Variants in RUNDC3B observed in about 807,000 individuals in gnomAD.
RUNDC3B encodes RUN domain containing 3B.
RUNDC3B carries 33 observed loss-of-function variants against 58.4 expected under a neutral mutation model. The ratio of observed to expected loss-of-function variants is 0.56; its 90% CI spans 0.43 to 0.75. The LOEUF is 0.75. Among genes scored for constraint, RUNDC3B ranks in the 30% least tolerant of loss-of-function variants. RUNDC3B has a pLI of 0.00. For missense variants in RUNDC3B, 501 were observed against 535.7 expected, an observed-to-expected ratio of 0.94 and a Z score of 0.64; for synonymous variants, 193 against 195.2, an observed-to-expected ratio of 0.99 and a Z score of 0.10.
chr7:87,714,565 C>G (rs1416312373), intron 4 of RUNDC3B, among the ~76,000 whole-genome samples: 1 of 152,086 alleles, frequency 6.6e-6, no homozygotes, highest in South Asian at 2.1e-4. Context: ...TTTCCATAAC[C>G]TATGATTAGC....
intron 1 of RUNDC3B, among the ~76,000 whole-genome samples, chr7:87,648,648 C>T (rs1174427345): frequency 6.6e-6 from 1 of 151,978 alleles, no homozygotes; most frequent in Non-Finnish European, 1.5e-5. Context: ...CACTTGAATT[C>T]TCAGTGTTTC....
At chr7:87,815,017 T>A (rs1371141548) in intron 9 of RUNDC3B, among the ~76,000 whole-genome samples, 2 of 152,162 alleles carry the variant, frequency 1.3e-5, no homozygotes, top group African/African-American at 4.8e-5. Context: ...TGGTAAAACC[T>A]ATTGGGCTTT....
chr7:87,703,885 C>CTTTTTTTTTTTTTTTTTTTTTTTTTTTT lies in RUNDC3B; in HGVS notation c.372+3358_372+3359insTTTTTTTTTTTTTTTTTTTTTTTTTTTT. 1.6e-3 allele frequency among the ~76,000 whole-genome samples: 99 copies of CTTTTTTTTTTTTTTTTTTTTTTTTTTTT among 60,302 alleles called. 4 individuals are homozygous for CTTTTTTTTTTTTTTTTTTTTTTTTTTTT. The highest frequency in any genetic ancestry group is 2.5e-3 in the South Asian group (4 of 1,584). 39.6% of individuals were successfully genotyped at this position (60,302 alleles called of 152,430 possible). A position where few individuals can be genotyped will look rare whatever the true frequency, so the allele number is the denominator to read the frequency against. ...CTTAGGTGAGCTTTATCAGTTTTTT[C>CTTTTTTTTTTTTTTTTTTTTTTTTTTTT]TTTTTTTTTTTTTTTTTTTTTTTTT... On this transcript the variant is annotated intron_variant, in intron 3 of 10. Transcript: ENST00000394654.
chr7:87,814,547 G>A (rs1283882207), intron 9 of RUNDC3B, among the ~76,000 whole-genome samples: 1 of 152,164 alleles, frequency 6.6e-6, no homozygotes, highest in Non-Finnish European at 1.5e-5. Context: ...CTGCCATAAA[G>A]TGCAGATAGT....
At chr7:87,631,370 T>C (rs188210954) in intron 1 of RUNDC3B, among the ~76,000 whole-genome samples, 7 of 152,318 alleles carry the variant, frequency 4.6e-5, no homozygotes, top group Admixed American at 4.6e-4. Context: ...CTCATGTCTC[T>C]TATGAATTCT....
chr7:87,720,540 A>ATGTGTG (rs907929154), intron 4 of RUNDC3B, among the ~76,000 whole-genome samples: 16 of 100,854 alleles, frequency 1.6e-4, no homozygotes, highest in African/African-American at 5.6e-4. Context: ...AAGATAGGAT[A>ATGTGTG]TATGTGTGTG....
intron 10 of RUNDC3B, among the ~76,000 whole-genome samples, chr7:87,824,170 TAA>T (rs1202395758): frequency 1.3e-5 from 2 of 151,238 alleles, no homozygotes; most frequent in East Asian, 4.3e-4. Flanking sequence ...CAATTAGTCA[TAA>T]GACAGAAACA....
chr7:87,812,113 T>G (rs1472565472), intron 9 of RUNDC3B, among the ~76,000 whole-genome samples: 1 of 152,210 alleles, frequency 6.6e-6, no homozygotes, highest in Non-Finnish European at 1.5e-5. Flanking sequence ...CTTCTGATTA[T>G]TGATATAAAA....
rs1212621533 is a variant in RUNDC3B, at chr7:87,720,595, CT to C, written c.458+9951del. On this transcript the variant is annotated intron_variant, in intron 4 of 10. Transcript: ENST00000394654. Reference sequence around the variant, plus strand: ...GTGTGTATGCAATAATTATAATTTTCTTTTTTTTTTTCTTTTCTTTTTTTTA... The same window carrying C: ...GTGTGTATGCAATAATTATAATTTTCTTTTTTTTTTCTTTTCTTTTTTTTA... Among the ~76,000 whole-genome samples the C allele has an allele frequency of 2.7e-3, 366 of 137,826 alleles. 1 individual carries two copies. The highest frequency in any genetic ancestry group is 4.6e-3 in the African/African-American group (171 of 37,532). The allele number at this position is 137,826 out of a possible 152,430, so 90.4% of individuals were successfully genotyped here.
chr7:87,821,965 C>G (rs1267002635), intron 10 of RUNDC3B, among the ~76,000 whole-genome samples: 2 of 152,090 alleles, frequency 1.3e-5, no homozygotes, highest in African/African-American at 2.4e-5. Context: ...CAATACCATT[C>G]AGGACATAGG....
intron 4 of RUNDC3B, among the ~76,000 whole-genome samples, chr7:87,727,587 AT>A (rs35539898): frequency 0.14 from 21,988 of 152,006 alleles, 2,553 homozygotes; most frequent in African/African-American, 0.32. Flanking sequence ...CATTAGCTAC[AT>A]TTTTTTCCCA....
At chr7:87,701,617 A>G (rs866146584) in intron 3 of RUNDC3B, among the ~76,000 whole-genome samples, 1 of 152,218 alleles carries the variant, frequency 6.6e-6, no homozygotes, top group Non-Finnish European at 1.5e-5. Flanking sequence ...TGAAAAAGTC[A>G]TTAATATGAT....
chr7:87,724,854 C>T (rs1038418101), intron 4 of RUNDC3B, among the ~76,000 whole-genome samples: 1 of 151,810 alleles, frequency 6.6e-6, no homozygotes, highest in Non-Finnish European at 1.5e-5. Flanking sequence ...TCAAATTTTA[C>T]TTGATACATA....
At chr7:87,704,164 G>A (rs527886006) in intron 3 of RUNDC3B, among the ~76,000 whole-genome samples, 5 of 151,842 alleles carry the variant, frequency 3.3e-5, no homozygotes, top group South Asian at 2.1e-4. Flanking sequence ...CAAGTGATCC[G>A]CCTGCCTCAG....
intron 8 of RUNDC3B, among the ~76,000 whole-genome samples, chr7:87,780,605 AT>A (rs1422894313): frequency 6.6e-6 from 1 of 152,066 alleles, no homozygotes; most frequent in Non-Finnish European, 1.5e-5. Flanking sequence ...CTTTAGTTTA[AT>A]TAGGTCCCAC....
chr7:87,780,143 A>ACC (rs1215229253), intron 8 of RUNDC3B, among the ~76,000 whole-genome samples: 1 of 152,216 alleles, frequency 6.6e-6, no homozygotes, highest in Non-Finnish European at 1.5e-5. Context: ...TTGGATATAT[A>ACC]CCTAGTAATG....
intron 4 of RUNDC3B, among the ~76,000 whole-genome samples, chr7:87,738,519 CT>C (rs973277721): frequency 6.6e-6 from 1 of 151,934 alleles, no homozygotes; most frequent in Non-Finnish European, 1.5e-5. Flanking sequence ...AAATAGTTGA[CT>C]ATTTTTTCCA....
chr7:87,652,646 A>ATATATATAT (rs1563105075), intron 2 of RUNDC3B, among the ~76,000 whole-genome samples: 9 of 147,166 alleles, frequency 6.1e-5, no homozygotes, highest in African/African-American at 2.0e-4. Flanking sequence ...ATATATATAT[A>ATATATATAT]GTAGGAAGTA....
intron 2 of RUNDC3B, among the ~76,000 whole-genome samples, chr7:87,667,295 G>T (rs184730707): frequency 2.0e-5 from 3 of 151,928 alleles, no homozygotes; most frequent in Non-Finnish European, 4.4e-5. Flanking sequence ...TTTGGCTGTT[G>T]TTGGTGTATA....
Sources: allele counts gnomAD v4.1 joint callset (sites outside exome capture counted in the v4.1 genomes callset), GRCh38; gene constraint gnomAD v4.1.1; transcripts MANE v1.5; gene names NCBI Gene and HGNC (gene_info 2026-07-23, HGNC 2026-07-21).